Variants in AGAP1 observed in about 807,000 individuals in gnomAD.
The protein encoded by AGAP1 is ArfGAP with GTPase domain, ankyrin repeat and PH domain 1, also known as arf-GAP with GTPase, ANK repeat and PH domain-containing protein 1.
In AGAP1, 29 loss-of-function variants were observed where a neutral mutation model predicts 105.3. The observed-to-expected ratio is 0.28, with a 90% CI of 0.21 to 0.38. The LOEUF (loss-of-function observed/expected upper bound fraction) is 0.38, where lower values mean the gene tolerates loss of function less well. Ranked by LOEUF, AGAP1 falls within the 10% of genes least tolerant of loss-of-function variation. The pLI is 1.00. For synonymous variants in AGAP1, 509 were observed against 485.9 expected (o/e 1.05, Z -0.63); for missense variants, 998 against 1,165.1 (o/e 0.86, Z 2.09).
At chr2:235,661,141 C>T (rs914351126) in intron 1 of AGAP1, among the ~76,000 whole-genome samples, 3 of 151,986 alleles carry the variant, frequency 2.0e-5, no homozygotes, top group Non-Finnish European at 2.9e-5. Context: ...CTGTGGGAAT[C>T]CTGAGACAGA....
At chr2:235,941,756 A>G (rs572456199) in intron 12 of AGAP1, among the ~76,000 whole-genome samples, 1 of 152,240 alleles carries the variant, frequency 6.6e-6, no homozygotes, top group South Asian at 2.1e-4. Context: ...AGTTGATCCA[A>G]TCCAATCAAA....
In AGAP1 at chr2:235,659,576, C is replaced by G. The variant is rs1947883492; in HGVS notation, c.164-49603C>G. On this transcript the variant is annotated intron_variant, in intron 1 of 17. Transcript: ENST00000304032. The surrounding 1 kb of genome is among the most constrained non-coding windows in gnomAD (Gnocchi z 5.0). ...CTGCTCGGGGTCCCTTTGCAGCTCCCCTGAACGTGCCATTTGAAGCATAGC... is the reference window on the plus strand; with the variant it reads ...CTGCTCGGGGTCCCTTTGCAGCTCCGCTGAACGTGCCATTTGAAGCATAGC... Among the ~76,000 whole-genome samples the G allele has an allele frequency of 6.6e-6, 1 of 152,184 alleles. No homozygotes were observed. Among genetic ancestry groups the G allele is most frequent in the Admixed American group, 6.5e-5 (1 of 15,286 alleles).
intron 1 of AGAP1, among the ~76,000 whole-genome samples, chr2:235,537,522 A>G (rs1228740400): frequency 6.6e-6 from 1 of 152,214 alleles, no homozygotes. Flanking sequence ...GCACCATGGT[A>G]ACATGCACTT....
At position 235,836,360 on chromosome 2, in the gene AGAP1, G is replaced by GC. The variant is rs149731093; in HGVS notation, c.1050+29032dup. ...CAGGTGGCCGGGAGTGCTGGTGATG[G>GC]CCCTGCAGAATCCTTTGGGGGCCGA... On this transcript the variant is annotated intron_variant, in intron 9 of 17. Coordinates refer to ENST00000304032, the MANE Select transcript of AGAP1 (RefSeq NM_001037131.3). Among the ~76,000 whole-genome samples, 332 of 152,286 alleles carry GC rather than the reference G, an allele frequency of 2.2e-3. 2 individuals are homozygous for GC. The highest frequency in any genetic ancestry group is 7.7e-3 in the African/African-American group (318 of 41,558).
At chr2:236,034,644 CTT>C (rs1267410275) in intron 13 of AGAP1, among the ~76,000 whole-genome samples, 1 of 152,186 alleles carries the variant, frequency 6.6e-6, no homozygotes, top group Non-Finnish European at 1.5e-5. Context: ...TCCAAAGACT[CTT>C]CTCTCCCCTC....
chr2:235,526,415 C>T (rs1865942), intron 1 of AGAP1, among the ~76,000 whole-genome samples: 27,317 of 152,138 alleles, frequency 0.18, 2,704 homozygotes, highest in East Asian at 0.32. Context: ...GATGTCTTGG[C>T]CTGTCTCTTC....
At chr2:235,828,577 C>G (rs1959172546) in intron 9 of AGAP1, among the ~76,000 whole-genome samples, 1 of 152,092 alleles carries the variant, frequency 6.6e-6, no homozygotes, top group South Asian at 2.1e-4. Context: ...GTGTGTATGT[C>G]TTAATTGATA....
At chr2:235,829,233 G>A (rs1959186018) in intron 9 of AGAP1, among the ~76,000 whole-genome samples, 1 of 152,242 alleles carries the variant, frequency 6.6e-6, no homozygotes, top group African/African-American at 2.4e-5. Context: ...GTTAGATGGT[G>A]CATTTCGTTT....
chr2:235,608,063 C>T lies in AGAP1; in HGVS notation c.164-101116C>T, dbSNP rs996226858. On this transcript the variant is annotated intron_variant, in intron 1 of 17. Coordinates refer to ENST00000304032, the MANE Select transcript of AGAP1 (RefSeq NM_001037131.3). The surrounding 1 kb of genome is among the most constrained non-coding windows in gnomAD (Gnocchi z 5.4). ...ACCCCTGACTTCATAGTCTGCCTGT[C>T]TCAGAGCGTGGGCGGGTTGGCATCG... Among the ~76,000 whole-genome samples, 1 of 152,160 alleles carries T rather than the reference C, an allele frequency of 6.6e-6. No individual in the cohort carries two copies. The highest frequency in any genetic ancestry group is 2.4e-5 in the African/African-American group (1 of 41,440).
chr2:235,619,323 G>C (rs1286909145), intron 1 of AGAP1, among the ~76,000 whole-genome samples: 3 of 151,916 alleles, frequency 2.0e-5, no homozygotes, highest in Non-Finnish European at 4.4e-5. Flanking sequence ...TGAAGTGGGG[G>C]AGCTGGGATT....
intron 10 of AGAP1, among the ~76,000 whole-genome samples, chr2:235,899,730 G>T (rs1021015339): frequency 1.6e-4 from 24 of 152,120 alleles, no homozygotes; most frequent in Non-Finnish European, 1.5e-5. Context: ...TTGGCTCCTT[G>T]AAGTTCATTG....
At chr2:235,636,492 C>T (rs909457532) in intron 1 of AGAP1, among the ~76,000 whole-genome samples, 1 of 152,222 alleles carries the variant, frequency 6.6e-6, no homozygotes, top group Non-Finnish European at 1.5e-5. Context: ...CCCTCAGTCA[C>T]TGTCAGGGAC....
At chr2:235,759,164 CTTTTTTT>C (rs560528348) in intron 6 of AGAP1, among the ~76,000 whole-genome samples, 1,200 of 104,118 alleles carry the variant, frequency 0.012, 24 homozygotes, top group Middle Eastern at 0.053. Context: ...TGATGTCATT[CTTTTTTT>C]TTTTTTTTTT....
chr2:236,048,927 C>T, intron 15 of AGAP1, 132 bp from the exon 16 acceptor site: 1 of 810,458 alleles, frequency 1.2e-6, no homozygotes, highest in Non-Finnish European at 2.0e-6. Context: ...GGCTAGGGAG[C>T]ATTTTTTCTC....
chr2:235,700,898 GTATAA>G lies in AGAP1; in HGVS notation c.164-8276_164-8272del, dbSNP rs1432835619. Among the ~76,000 whole-genome samples, 1 of 146,940 alleles carries G rather than the reference GTATAA, an allele frequency of 6.8e-6. No individual in the cohort carries two copies. The highest frequency in any genetic ancestry group is 6.9e-5 in the Admixed American group (1 of 14,582). ...TATATTTATAATATATGTATATAATGTATAATATATGCATATATTATGTATTACAC... is the reference window on the plus strand; with the variant it reads ...TATATTTATAATATATGTATATAATGTATATGCATATATTATGTATTACAC... On this transcript the variant is annotated intron_variant, in intron 1 of 17. Transcript: ENST00000304032. This position sits in a 1 kb window ranked among gnomAD's most constrained non-coding sequence, Gnocchi z 6.1.
intron 13 of AGAP1, among the ~76,000 whole-genome samples, chr2:235,996,752 A>T (rs141375757): frequency 6.6e-6 from 1 of 152,346 alleles, no homozygotes; most frequent in African/African-American, 2.4e-5. Flanking sequence ...GACAGAAGTA[A>T]CCATATATTG....
In AGAP1 at chr2:235,550,666, C is replaced by T. The variant is rs1221102904; in HGVS notation, c.163+55817C>T. 6.6e-6 allele frequency among the ~76,000 whole-genome samples: 1 copy of T among 152,230 alleles called. No homozygotes were observed. The highest frequency in any genetic ancestry group is 2.4e-5 in the African/African-American group (1 of 41,458). ...AGCACAGGATCAGCACCATCCACACCTGAGGCGTGGGGATCTCCGGGCATG... is the reference window on the plus strand; with the variant it reads ...AGCACAGGATCAGCACCATCCACACTTGAGGCGTGGGGATCTCCGGGCATG... On this transcript the variant is annotated intron_variant, in intron 1 of 17. Transcript: ENST00000304032. The surrounding 1 kb of genome is among the most constrained non-coding windows in gnomAD (Gnocchi z 4.6).
chr2:235,640,084 C>T (rs865900115), intron 1 of AGAP1, among the ~76,000 whole-genome samples: 3 of 152,220 alleles, frequency 2.0e-5, no homozygotes, highest in Admixed American at 6.5e-5. Context: ...CCCTCTCAGG[C>T]GCACACCAGC....
intron 13 of AGAP1, among the ~76,000 whole-genome samples, chr2:236,013,883 A>T (rs2056603956): frequency 6.6e-6 from 1 of 152,112 alleles, no homozygotes; most frequent in South Asian, 2.1e-4. Flanking sequence ...ATGTCTCCTG[A>T]AGGGCGGAGA....
Sources: allele counts gnomAD v4.1 joint callset (sites outside exome capture counted in the v4.1 genomes callset), GRCh38; gene constraint gnomAD v4.1.1; non-coding constraint Gnocchi (gnomAD v3.1); transcripts MANE v1.5; gene names NCBI Gene and HGNC (gene_info 2026-07-23, HGNC 2026-07-21).